Variants in GNA14 observed in about 807,000 individuals in gnomAD.
The protein encoded by GNA14 is G protein subunit alpha 14.
A neutral mutation model predicts 42.0 loss-of-function variants in GNA14; 50 were observed. That is an observed-to-expected ratio of 1.19 (90% CI 0.95 to 1.51). GNA14 has a LOEUF of 1.51. Ranked by LOEUF, GNA14 falls within the 40% of genes most tolerant of loss-of-function variation. The pLI is 0.00. For synonymous variants in GNA14, 173 were observed against 163.1 expected (o/e 1.06, Z -0.46); for missense variants, 473 against 446.2 (o/e 1.06, Z -0.54).
chr9:77,449,158 C>G (rs368735100), intron 2 of GNA14, among the ~76,000 whole-genome samples: 1 of 152,186 alleles, frequency 6.6e-6, no homozygotes, highest in Non-Finnish European at 1.5e-5. Context: ...CAACATGTGG[C>G]ACAGGTTTGT....
chr9:77,569,648 G>C (rs1048152786), intron 1 of GNA14, among the ~76,000 whole-genome samples: 1 of 152,176 alleles, frequency 6.6e-6, no homozygotes, highest in Admixed American at 6.5e-5. Context: ...GCTATGTGGG[G>C]GCTTTGGTTT....
intron 1 of GNA14, among the ~76,000 whole-genome samples, chr9:77,603,972 A>AAAAAAAAAAAAAAAAAAAAAAAAAC (rs1564064436): frequency 1.3e-5 from 2 of 148,508 alleles, no homozygotes; most frequent in Non-Finnish European, 1.5e-5. Flanking sequence ...AAAAAAAAAA[A>AAAAAAAAAAAAAAAAAAAAAAAAAC]AAAAAAAAAC....
At chr9:77,613,968 G>A (rs1261762918) in intron 1 of GNA14, among the ~76,000 whole-genome samples, 1 of 152,326 alleles carries the variant, frequency 6.6e-6, no homozygotes, top group Non-Finnish European at 1.5e-5. Flanking sequence ...CAGAGTGGCA[G>A]AGAGGTTACC....
At chr9:77,471,703 G>C (rs1286932130) in intron 2 of GNA14, among the ~76,000 whole-genome samples, 1 of 152,122 alleles carries the variant, frequency 6.6e-6, no homozygotes, top group Non-Finnish European at 1.5e-5. Context: ...TGCTAGGCCT[G>C]AGACTGGAAA....
At chr9:77,553,803 T>C (rs901424171) in intron 1 of GNA14, among the ~76,000 whole-genome samples, 5 of 152,112 alleles carry the variant, frequency 3.3e-5, no homozygotes, top group African/African-American at 4.8e-5. Context: ...AAAGAAATCA[T>C]TGGACAAGTG....
chr9:77,500,364 T>C (rs1438389486), intron 2 of GNA14, among the ~76,000 whole-genome samples: 2 of 152,172 alleles, frequency 1.3e-5, no homozygotes, highest in Non-Finnish European at 2.9e-5. Context: ...AAAGAATATA[T>C]AACTATTTTT....
chr9:77,437,741 T>G (rs1463539718), intron 2 of GNA14, among the ~76,000 whole-genome samples: 1 of 152,208 alleles, frequency 6.6e-6, no homozygotes. Context: ...TGAGACAAGA[T>G]GGCGCCTCCA....
chr9:77,425,564 G>A lies in GNA14; in HGVS notation c.875C>T (p.Thr292Ile). ...SHLISYFPEYTGPKQDVRAAR... is the reference protein window; with the variant it reads ...SHLISYFPEYIGPKQDVRAAR... ...CTGTCCACAAGATAGACACTTACCT[G>A]TGTATTCTGGGAAATAGCTAATTAG... The change falls in exon 6 of 7, where the codon ACA (threonine) becomes ATA (isoleucine). Residue 292 changes from threonine to isoleucine, a missense_variant and splice_region_variant. By Grantham distance (89) the Thr-to-Ile change is moderately conservative. Coordinates refer to ENST00000341700, the MANE Select transcript of GNA14 (RefSeq NM_004297.4). The A allele has an allele frequency of 6.3e-7, 1 of 1,599,566 alleles. No individual in the cohort carries two copies. Among genetic ancestry groups the A allele is most frequent in the Non-Finnish European group, 8.5e-7 (1 of 1,170,678 alleles).
At chr9:77,622,264 G>C (rs1391226488) in intron 1 of GNA14, among the ~76,000 whole-genome samples, 2 of 152,164 alleles carry the variant, frequency 1.3e-5, no homozygotes, top group African/African-American at 2.4e-5. Context: ...AAGAAGAAAT[G>C]AGCTCATATC....
At chr9:77,643,958 G>A (rs902601377) in intron 1 of GNA14, among the ~76,000 whole-genome samples, 3 of 152,128 alleles carry the variant, frequency 2.0e-5, no homozygotes, top group Non-Finnish European at 4.4e-5. Context: ...TAGGGCTAGG[G>A]TTCAAACCCA....
intron 1 of GNA14, among the ~76,000 whole-genome samples, chr9:77,597,176 G>C (rs1168889979): frequency 1.3e-5 from 2 of 152,132 alleles, no homozygotes; most frequent in African/African-American, 4.8e-5. Context: ...CAAGCCTGGT[G>C]GAGTTTGTTG....
chr9:77,548,782 T>A (rs1441400988), intron 1 of GNA14, among the ~76,000 whole-genome samples: 1 of 152,200 alleles, frequency 6.6e-6, no homozygotes, highest in African/African-American at 2.4e-5. Flanking sequence ...TAAATGTGCA[T>A]AAACGATCAT....
intron 1 of GNA14, among the ~76,000 whole-genome samples, chr9:77,587,733 G>A (rs1480119848): frequency 3.3e-5 from 5 of 152,292 alleles, no homozygotes; most frequent in Admixed American, 6.5e-5. Context: ...TACTGTGAAT[G>A]TACTAAATGC....
chr9:77,460,152 GA>G (rs1836078635), intron 2 of GNA14, among the ~76,000 whole-genome samples: 1 of 152,200 alleles, frequency 6.6e-6, no homozygotes, highest in African/African-American at 2.4e-5. Flanking sequence ...TACTTGGAAA[GA>G]GGGTCTTCAC....
chr9:77,476,029 CAT>C (rs1372003545), intron 2 of GNA14, among the ~76,000 whole-genome samples: 2 of 152,134 alleles, frequency 1.3e-5, no homozygotes, highest in African/African-American at 4.8e-5. Flanking sequence ...GGCAGAAATA[CAT>C]GTGACTAAGA....
chr9:77,550,989 A>G (rs1432236976), intron 1 of GNA14, among the ~76,000 whole-genome samples: 6 of 152,100 alleles, frequency 3.9e-5, no homozygotes, highest in Non-Finnish European at 7.4e-5. Context: ...TACAACTCTG[A>G]TTTTCCTGAT....
chr9:77,619,129 T>C (rs987107329), intron 1 of GNA14, among the ~76,000 whole-genome samples: 1 of 152,132 alleles, frequency 6.6e-6, no homozygotes, highest in East Asian at 1.9e-4. Flanking sequence ...CACTGAACTG[T>C]AAGAGAAGAT....
intron 1 of GNA14, among the ~76,000 whole-genome samples, chr9:77,533,259 T>C (rs10781443): frequency 0.74 from 112,770 of 152,156 alleles, 42,272 homozygotes; most frequent in Admixed American, 0.81. Flanking sequence ...TCACTGCATG[T>C]AACCTCCGCC....
At chr9:77,638,338 C>A (rs567074645) in intron 1 of GNA14, among the ~76,000 whole-genome samples, 1 of 152,132 alleles carries the variant, frequency 6.6e-6, no homozygotes, top group African/African-American at 2.4e-5. Context: ...TCCAAGATAA[C>A]AGCTATGAAG....
Sources: allele counts gnomAD v4.1 joint callset (sites outside exome capture counted in the v4.1 genomes callset), GRCh38; gene constraint gnomAD v4.1.1; transcripts MANE v1.5; gene names NCBI Gene and HGNC (gene_info 2026-07-23, HGNC 2026-07-21).